The following SLC4A10 variants were observed in gnomAD, a reference collection of about 807,000 sequenced individuals.
SLC4A10 encodes the protein solute carrier family 4 member 10.
A neutral mutation model predicts 137.7 loss-of-function variants in SLC4A10; 42 were observed. The ratio of observed to expected loss-of-function variants is 0.30; its 90% CI spans 0.24 to 0.39. The LOEUF (loss-of-function observed/expected upper bound fraction) is 0.39. Among genes scored for constraint, SLC4A10 ranks in the 10% least tolerant of loss-of-function variants. The probability of loss-of-function intolerance (pLI) is 1.00; values close to 1 mark genes in which losing one functional copy is unlikely to be tolerated. For missense variants in SLC4A10, 925 were observed against 1,355.0 expected (o/e 0.68, Z 4.98); for synonymous variants, 474 against 464.1 (o/e 1.02, Z -0.27).
chr2:161,826,959 G>A (rs1423488750), intron 3 of SLC4A10, among the ~76,000 whole-genome samples: 1 of 151,934 alleles, frequency 6.6e-6, no homozygotes, highest in African/African-American at 2.4e-5. Context: ...TTTGTTCCTG[G>A]TTATACTACT....
In SLC4A10 at chr2:161,697,566, T is replaced by C. The variant is rs570313995; in HGVS notation, c.48+73000T>C. 4.5e-3 allele frequency among the ~76,000 whole-genome samples: 677 copies of C among 151,852 alleles called. 3 individuals carry two copies. The highest frequency in any genetic ancestry group is 0.014 in the African/African-American group (572 of 41,138). On this transcript the variant is annotated intron_variant, in intron 1 of 26. Transcript: ENST00000446997. Reference sequence around the variant, plus strand: ...AGCACCATTTATTAAATAGGGAATCTTGTCCCCATTTCTTGTTTTTGTCAG... The same window carrying C: ...AGCACCATTTATTAAATAGGGAATCCTGTCCCCATTTCTTGTTTTTGTCAG...
At chr2:161,740,471 T>C (rs1329706839) in intron 1 of SLC4A10, among the ~76,000 whole-genome samples, 1 of 152,218 alleles carries the variant, frequency 6.6e-6, no homozygotes, top group Non-Finnish European at 1.5e-5. Context: ...TGGGTATTTC[T>C]GGTTTCAAGA....
intron 21 of SLC4A10, among the ~76,000 whole-genome samples, chr2:161,959,703 T>C (rs892408876): frequency 6.6e-6 from 1 of 152,190 alleles, no homozygotes; most frequent in African/African-American, 2.4e-5. Flanking sequence ...ACATGGTCTT[T>C]CCATGTTTTC....
chr2:161,967,971 T>TG (rs1429056258), intron 23 of SLC4A10, among the ~76,000 whole-genome samples: 1 of 150,758 alleles, frequency 6.6e-6, no homozygotes, highest in Non-Finnish European at 1.5e-5. Flanking sequence ...TTACTGCTTC[T>TG]GGAAAAAAAA....
intron 11 of SLC4A10, 54 bp downstream of exon 11, chr2:161,894,879 T>C (rs1003636306): frequency 1.7e-4 from 192 of 1,105,268 alleles, no homozygotes; most frequent in Non-Finnish European, 2.0e-4. Flanking sequence ...GTCTTTTAAA[T>C]GCATGTTTTA....
chr2:161,831,411 T>G (rs2058427522), intron 3 of SLC4A10, among the ~76,000 whole-genome samples: 1 of 152,202 alleles, frequency 6.6e-6, no homozygotes, highest in Non-Finnish European at 1.5e-5. Flanking sequence ...AGATGTTTTA[T>G]TGAACTAACA....
chr2:161,776,750 A>T (rs953307500), intron 2 of SLC4A10, among the ~76,000 whole-genome samples: 1 of 151,550 alleles, frequency 6.6e-6, no homozygotes, highest in Non-Finnish European at 1.5e-5. Context: ...TCTATTTTTA[A>T]TTTTTTGAGG....
intron 3 of SLC4A10, among the ~76,000 whole-genome samples, chr2:161,835,623 C>A (rs1223820671): frequency 6.6e-6 from 1 of 152,062 alleles, no homozygotes; most frequent in Non-Finnish European, 1.5e-5. Flanking sequence ...AGAAATTTGC[C>A]CCTGAATTTA....
intron 1 of SLC4A10, among the ~76,000 whole-genome samples, chr2:161,625,782 G>A (rs1404903270): frequency 6.6e-6 from 1 of 151,994 alleles, no homozygotes; most frequent in Non-Finnish European, 1.5e-5. Flanking sequence ...TCCTGCGGAC[G>A]CCAGGTTTGA....
At chr2:161,805,556 C>G (rs556645684) in intron 3 of SLC4A10, among the ~76,000 whole-genome samples, 13 of 152,172 alleles carry the variant, frequency 8.5e-5, no homozygotes, top group Non-Finnish European at 1.8e-4. Flanking sequence ...TAAATACAGC[C>G]ATTCCAAATG....
chr2:161,651,359 C>T (rs1304190026), intron 1 of SLC4A10: 1 of 152,470 alleles, frequency 6.6e-6, no homozygotes, highest in East Asian at 1.9e-4. Flanking sequence ...CTGGCTCACC[C>T]TCCGGTTGTC....
rs377179194 is a variant in SLC4A10, at chr2:161,705,653, G to T, written c.49-65320G>T. Among the ~76,000 whole-genome samples, 91 of 151,678 alleles carry T rather than the reference G, an allele frequency of 6.0e-4. No individual in the cohort carries two copies. The East Asian group carries it at 0.011, about 19-fold the overall frequency. On this transcript the variant is annotated intron_variant, in intron 1 of 26. Coordinates refer to ENST00000446997, the MANE Select transcript of SLC4A10 (RefSeq NM_001178015.2). Reference sequence around the variant, plus strand: ...CATGAAGGCAGAGACCTCATAAATTGAATTAGTGCCCTTATAAAAGAGGCC... The same window carrying T: ...CATGAAGGCAGAGACCTCATAAATTTAATTAGTGCCCTTATAAAAGAGGCC...
chr2:161,780,455 T>C (rs998092006), intron 2 of SLC4A10, among the ~76,000 whole-genome samples: 1 of 152,130 alleles, frequency 6.6e-6, no homozygotes, highest in Admixed American at 6.6e-5. Context: ...ACTGTGGCAC[T>C]CTAAACAGGG....
chr2:161,786,836 A>G (rs978217242), intron 2 of SLC4A10, among the ~76,000 whole-genome samples: 1 of 148,502 alleles, frequency 6.7e-6, no homozygotes, highest in Non-Finnish European at 1.5e-5. Flanking sequence ...TTTATGCTTT[A>G]TGACATAAAA....
chr2:161,937,221 TATC>T (rs1156452915), intron 15 of SLC4A10, among the ~76,000 whole-genome samples: 8 of 152,198 alleles, frequency 5.3e-5, no homozygotes, highest in Non-Finnish European at 1.2e-4. Flanking sequence ...TGGTTTAAAG[TATC>T]ATTTCAGTTA....
intron 15 of SLC4A10, among the ~76,000 whole-genome samples, chr2:161,910,620 T>C (rs1685593055): frequency 6.6e-6 from 1 of 152,116 alleles, no homozygotes; most frequent in African/African-American, 2.4e-5. Flanking sequence ...TAGGGTCTGA[T>C]TATCTCTCTA....
chr2:161,805,011 A>G (rs1042577091), intron 3 of SLC4A10, among the ~76,000 whole-genome samples: 3 of 152,138 alleles, frequency 2.0e-5, no homozygotes, highest in African/African-American at 7.2e-5. Flanking sequence ...ACATACCCGG[A>G]CTAGACAATT....
At chr2:161,652,812 T>C (rs1422409687) in intron 1 of SLC4A10, among the ~76,000 whole-genome samples, 1 of 150,568 alleles carries the variant, frequency 6.6e-6, no homozygotes, top group Non-Finnish European at 1.5e-5. Flanking sequence ...TTGACCTAAT[T>C]GACATTTATA....
intron 2 of SLC4A10, among the ~76,000 whole-genome samples, chr2:161,780,985 A>T (rs2125472501): frequency 6.6e-6 from 1 of 152,098 alleles, no homozygotes; most frequent in African/African-American, 2.4e-5. Flanking sequence ...TGTCTGTGTG[A>T]CTGCAACCCC....
Sources: gnomAD v4.1 joint callset for allele counts (sites outside exome capture counted in the v4.1 genomes callset) on GRCh38, gnomAD v4.1.1 for gene constraint, MANE v1.5 for transcripts, NCBI Gene and HGNC (gene_info 2026-07-23, HGNC 2026-07-21) for gene names.